TSC22D1: variants seen among roughly 807,000 people sequenced by gnomAD.
TSC22D1 encodes the protein TSC22 domain family member 1, also known as TSC22 domain family protein 1.
In TSC22D1, 9 loss-of-function variants were observed where a neutral mutation model predicts 74.2. That is an observed-to-expected ratio of 0.12 (90% confidence interval 0.07 to 0.21). The LOEUF (loss-of-function observed/expected upper bound fraction) is 0.21. Among genes scored for constraint, TSC22D1 ranks in the 10% least tolerant of loss-of-function variants. The pLI is 1.00. For synonymous variants in TSC22D1, 586 were observed against 492.5 expected (o/e 1.19, Z -2.51); for missense variants, 1,427 against 1,304.7 (o/e 1.09, Z -1.44).
At position 44,517,857 on chromosome 13, in the gene TSC22D1, A is replaced by ATATTTTT. The variant is rs10627677; in HGVS notation, c.2912+55305_2912+55306insAAAAATA. On this transcript the variant is annotated intron_variant, in intron 1 of 2. Transcript: ENST00000458659. ...TATATATATATATATATATATATAT[A>ATATTTTT]TTTTTTTTTTTTTTTTTTTTTTAAC... is the stretch of plus-strand genomic sequence containing the variant. Among the ~76,000 whole-genome samples the ATATTTTT allele has an allele frequency of 1.1e-3, 17 of 16,176 alleles. 2 individuals are homozygous for ATATTTTT. Among genetic ancestry groups the ATATTTTT allele is most frequent in the Admixed American group, 1.8e-3 (2 of 1,092 alleles). 10.6% of individuals were successfully genotyped at this position (16,176 alleles called of 152,430 possible).
chr13:44,498,221 C>T (rs1410433664), intron 1 of TSC22D1, among the ~76,000 whole-genome samples: 1 of 152,034 alleles, frequency 6.6e-6, no homozygotes, highest in Non-Finnish European at 1.5e-5. Flanking sequence ...TCACCTGAGA[C>T]TGGGAGGTTG....
At chr13:44,566,225 A>T (rs2138218712) in intron 1 of TSC22D1, among the ~76,000 whole-genome samples, 1 of 152,314 alleles carries the variant, frequency 6.6e-6, no homozygotes, top group African/African-American at 2.4e-5. Context: ...CTTTATAAGA[A>T]GTAAAAACGG....
At chr13:44,521,770 T>G (rs1464121856) in intron 1 of TSC22D1, among the ~76,000 whole-genome samples, 2 of 152,140 alleles carry the variant, frequency 1.3e-5, no homozygotes, top group East Asian at 3.9e-4. Flanking sequence ...TCCGAAAGAT[T>G]TTTCTTTCTT....
At chr13:44,458,139 T>G (rs1876778858) in intron 1 of TSC22D1, among the ~76,000 whole-genome samples, 1 of 152,232 alleles carries the variant, frequency 6.6e-6, no homozygotes, top group Non-Finnish European at 1.5e-5. Flanking sequence ...TTTCTCACTG[T>G]GATTCTATCA....
chr13:44,540,351 A>G (rs373239325), intron 1 of TSC22D1, among the ~76,000 whole-genome samples: 1 of 152,210 alleles, frequency 6.6e-6, no homozygotes, highest in East Asian at 1.9e-4. Flanking sequence ...AAAACCAAGT[A>G]TATTAACAGG....
chr13:44,544,551 A>G (rs1881695146), intron 1 of TSC22D1, among the ~76,000 whole-genome samples: 1 of 151,792 alleles, frequency 6.6e-6, no homozygotes. Context: ...ATTAAAAAAA[A>G]AAAAAACCAA....
At chr13:44,564,190 G>T (rs1017195477) in intron 1 of TSC22D1, among the ~76,000 whole-genome samples, 8 of 152,054 alleles carry the variant, frequency 5.3e-5, no homozygotes, top group Non-Finnish European at 1.0e-4. Flanking sequence ...TGATTAAGCA[G>T]ATTTCTTATG....
chr13:44,476,621 G>A (rs185394505), intron 1 of TSC22D1, among the ~76,000 whole-genome samples: 4 of 152,198 alleles, frequency 2.6e-5, no homozygotes, highest in African/African-American at 9.6e-5. Context: ...ATTTTATGAT[G>A]GCTGTTTTCT....
chr13:44,569,831 CA>C (rs557802924), intron 1 of TSC22D1, among the ~76,000 whole-genome samples: 26 of 146,062 alleles, frequency 1.8e-4, no homozygotes, highest in African/African-American at 4.8e-4. Flanking sequence ...TAAATCATGA[CA>C]AAAAAAAAAT....
intron 1 of TSC22D1, among the ~76,000 whole-genome samples, chr13:44,448,638 C>T (rs993328864): frequency 2.6e-5 from 4 of 152,144 alleles, no homozygotes; most frequent in Non-Finnish European, 4.4e-5. Context: ...TACATTATGG[C>T]CTCCATGGGC....
Position 44,433,234 on chromosome 13 carries a change from G to GT in TSC22D1, c.*1391dup, listed in dbSNP as rs1424141788. 5.3e-5 allele frequency: 8 copies of GT among 152,252 alleles called. No homozygotes were observed. The highest frequency in any genetic ancestry group is 1.2e-4 in the Non-Finnish European group (8 of 68,058). The allele number at this position is 152,252 out of a possible 1,614,324, so 9.4% of individuals were successfully genotyped here. ...TAGAATTTTAAAGCCAAAGGGGAAT[G>GT]TAAGAGATCATCTCTTTCAAACCCC... On this transcript the variant is annotated 3_prime_UTR_variant, in exon 3 of 3. Transcript: ENST00000458659.
At chr13:44,493,766 T>C (rs530745481) in intron 1 of TSC22D1, among the ~76,000 whole-genome samples, 17 of 152,350 alleles carry the variant, frequency 1.1e-4, no homozygotes, top group Middle Eastern at 3.4e-3. Flanking sequence ...CAGCAAATTT[T>C]AGAAGAATAC....
At chr13:44,484,880 A>G (rs1283913952) in intron 1 of TSC22D1, among the ~76,000 whole-genome samples, 2 of 152,248 alleles carry the variant, frequency 1.3e-5, no homozygotes, top group African/African-American at 2.4e-5. Context: ...AAAATACATG[A>G]GCATCTGTGT....
At chr13:44,516,418 A>T (rs1879986646) in intron 1 of TSC22D1, 1 of 406,776 alleles carries the variant, frequency 2.5e-6, no homozygotes, top group Non-Finnish European at 4.7e-6. Flanking sequence ...GAAGACTTGA[A>T]ATCAAGCTCC....
At position 44,575,526 on chromosome 13, in the gene TSC22D1, G is replaced by T. The variant is rs9525984; in HGVS notation, c.549C>A (p.Ala183=). 8.7e-6 allele frequency: 14 copies of T among 1,613,804 alleles called. No individual in the cohort carries two copies. The highest frequency in any genetic ancestry group is 1.7e-5 in the Admixed American group (1 of 59,976). The change falls in exon 1 of 3, where the codon GCC becomes GCA. Residue 183 remains alanine (A), a synonymous_variant. Coordinates refer to ENST00000458659, the MANE Select transcript of TSC22D1 (RefSeq NM_183422.4). The part of the protein sequence containing the change: ...SEETLNNFQE[A]ETPGAVSPNQ... Reference sequence around the variant, plus strand: ...TGGGAGAGACTGCCCCAGGTGTCTCGGCTTCCTGGAAGTTATTTAGGGTCT... The same window carrying T: ...TGGGAGAGACTGCCCCAGGTGTCTCTGCTTCCTGGAAGTTATTTAGGGTCT...
At chr13:44,545,302 T>C (rs1364608865) in intron 1 of TSC22D1, among the ~76,000 whole-genome samples, 1 of 152,080 alleles carries the variant, frequency 6.6e-6, no homozygotes, top group African/African-American at 2.4e-5. Flanking sequence ...ACCACTGCAC[T>C]CTAGCCTGGG....
At chr13:44,541,137 C>T (rs1881444521) in intron 1 of TSC22D1, among the ~76,000 whole-genome samples, 3 of 152,300 alleles carry the variant, frequency 2.0e-5, no homozygotes, top group Admixed American at 1.3e-4. Flanking sequence ...CTCTATCAAT[C>T]AACCAACAAA....
At chr13:44,477,321 T>C (rs374786416) in intron 1 of TSC22D1, among the ~76,000 whole-genome samples, 6 of 152,218 alleles carry the variant, frequency 3.9e-5, no homozygotes, top group East Asian at 1.9e-4. Context: ...TAGTCACTGA[T>C]TGATTTTAAA....
chr13:44,568,295 T>C (rs1190076014), intron 1 of TSC22D1, among the ~76,000 whole-genome samples: 2 of 152,142 alleles, frequency 1.3e-5, no homozygotes, highest in Non-Finnish European at 2.9e-5. Context: ...TGGAGGTCAG[T>C]GGGATATAAC....
Sources: allele counts gnomAD v4.1 joint callset (sites outside exome capture counted in the v4.1 genomes callset), GRCh38; gene constraint gnomAD v4.1.1; transcripts MANE v1.5; gene names NCBI Gene and HGNC (gene_info 2026-07-23, HGNC 2026-07-21).